The following POLR3C variants were observed in gnomAD, a reference collection of about 807,000 sequenced individuals.
POLR3C encodes the protein DNA-directed RNA polymerase III subunit RPC3.
In POLR3C, 44 loss-of-function variants were observed where a neutral mutation model predicts 65.9. The ratio of observed to expected loss-of-function variants is 0.67; its 90% confidence interval spans 0.52 to 0.86. The LOEUF (loss-of-function observed/expected upper bound fraction) is 0.86, where lower values mean the gene tolerates loss of function less well. POLR3C is among the 40% of genes least tolerant of loss of function. The probability of loss-of-function intolerance (pLI) is 0.00; values close to 1 mark genes in which losing one functional copy is unlikely to be tolerated. For missense variants in POLR3C, 576 were observed against 653.2 expected (o/e 0.88, Z 1.29); for synonymous variants, 263 against 231.6 (o/e 1.14, Z -1.23).
Position 145,842,361 on chromosome 1 carries a change from G to A in POLR3C, c.1546G>A (p.Val516Met), listed in dbSNP as rs1553730785. 1.2e-6 allele frequency: 2 copies of A among 1,610,846 alleles called. No individual in the cohort carries two copies. Among genetic ancestry groups the A allele is most frequent in the South Asian group, 2.2e-5 (2 of 91,016 alleles). The change falls in exon 15 of 15, where the codon GTG becomes ATG. Residue 516 changes from valine (V) to methionine (M), a missense_variant. Coordinates refer to ENST00000334163, the MANE Select transcript of POLR3C (RefSeq NM_006468.8). ...CAGGTTGGATGCCAGTGAGATCCAG[G>A]TGGACGAAACCATCTTCCTGCTGGA... ...VNKLDASEIQ[V>M]DETIFLLESY...
chr1:145,829,700 C>T (rs905312287), intron 5 of POLR3C, among the ~76,000 whole-genome samples: 8 of 152,184 alleles, frequency 5.3e-5, no homozygotes, highest in African/African-American at 1.9e-4. Flanking sequence ...CTCCATCTTA[C>T]TCACTGTGTT....
At chr1:145,834,476 G>A (rs1363817601) in intron 7 of POLR3C, among the ~76,000 whole-genome samples, 1 of 151,686 alleles carries the variant, frequency 6.6e-6, no homozygotes, top group Non-Finnish European at 1.5e-5. Context: ...AGACCAGCCT[G>A]GGCAACATGG....
chr1:145,826,939 C>G lies in POLR3C; in HGVS notation c.523C>G (p.Pro175Ala). The change falls in exon 4 of 15, where the codon CCA becomes GCA. Residue 175 changes from proline to alanine, a missense_variant. Physicochemically the swap from Pro to Ala is conservative, Grantham distance 27. Transcript: ENST00000334163. ...TGAGAATTCAGACCCTGGGCCACCACCACCTGCCCCCACACTTGTCATTAA... is the reference window on the plus strand; with the variant it reads ...TGAGAATTCAGACCCTGGGCCACCAGCACCTGCCCCCACACTTGTCATTAA... ...TTENSDPGPP[P>A]PAPTLVINEK... 2.5e-6 allele frequency: 4 copies of G among 1,613,504 alleles called. No homozygotes were observed. Among genetic ancestry groups the G allele is most frequent in the Non-Finnish European group, 3.4e-6 (4 of 1,179,780 alleles).
chr1:145,841,673 T>C (rs1652304824), intron 14 of POLR3C, among the ~76,000 whole-genome samples: 2 of 152,242 alleles, frequency 1.3e-5, no homozygotes, highest in Admixed American at 6.5e-5. Context: ...CCCACAACTT[T>C]ACTAAATTCA....
chr1:145,842,495 T>A lies in POLR3C; in HGVS notation c.*75T>A. ...TAAAGGAGGTGCCTGGATGCATTAT[T>A]TGCAGTGGGATAAGTCGCAGAGTCT... On this transcript the variant is annotated 3_prime_UTR_variant, in exon 15 of 15. Transcript: ENST00000334163. 1.0e-6 allele frequency: 1 copy of A among 969,940 alleles called. No individual in the cohort carries two copies. Among genetic ancestry groups the A allele is most frequent in the Non-Finnish European group, 1.7e-6 (1 of 597,652 alleles). 60.1% of individuals were successfully genotyped at this position (969,940 alleles called of 1,614,324 possible). A position where few individuals can be genotyped will look rare whatever the true frequency, so the allele number is the denominator to read the frequency against.
chr1:145,828,221 T>TC (rs2101634005), intron 4 of POLR3C, among the ~76,000 whole-genome samples: 1 of 152,270 alleles, frequency 6.6e-6, no homozygotes, highest in African/African-American at 2.4e-5. Flanking sequence ...CTAATCAGGA[T>TC]CAACCTGCTT....
At position 145,839,870 on chromosome 1, in the gene POLR3C, T is replaced by G; in HGVS notation, c.1222-20T>G. 1 of 1,344,098 alleles carries G rather than the reference T, an allele frequency of 7.4e-7. No homozygotes were observed. Among genetic ancestry groups the G allele is most frequent in the South Asian group, 1.2e-5 (1 of 85,292 alleles). The allele number at this position is 1,344,098 out of a possible 1,614,324, so 83.3% of individuals were successfully genotyped here. A position where few individuals can be genotyped will look rare whatever the true frequency, so the allele number is the denominator to read the frequency against. On this transcript the variant is annotated intron_variant, in intron 11 of 14. Transcript: ENST00000334163. Reference sequence around the variant, plus strand: ...AAAACAGTATAATTTCTGCTATTTTTCTTTCTATTGGACAAATAGGAAATT... The same window carrying G: ...AAAACAGTATAATTTCTGCTATTTTGCTTTCTATTGGACAAATAGGAAATT...
At chr1:145,836,176 A>G (rs1360137458) in intron 7 of POLR3C, among the ~76,000 whole-genome samples, 1 of 146,808 alleles carries the variant, frequency 6.8e-6, no homozygotes, top group Admixed American at 7.0e-5. Flanking sequence ...GCTGGAGTCC[A>G]TTGGCGCAAT....
At chr1:145,824,521 C>A (rs1225404527) in intron 1 of POLR3C, 152 bp downstream of exon 1, 45 of 1,289,692 alleles carry the variant, frequency 3.5e-5, no homozygotes, top group Non-Finnish European at 4.6e-5. Context: ...GAATGCTTCT[C>A]CAAAGATATG....
chr1:145,835,497 A>G lies in POLR3C; in HGVS notation c.877-997A>G, dbSNP rs188771664. ...TCTTTATTCAGACCTTGCATACTCT[A>G]ACATATATGTGGGTATATGTATTTT... On this transcript the variant is annotated intron_variant, in intron 7 of 14. Transcript: ENST00000334163. 3.3e-5 allele frequency among the ~76,000 whole-genome samples: 5 copies of G among 151,936 alleles called. No individual in the cohort carries two copies. In the East Asian group the frequency reaches 9.6e-4, roughly 29 times the overall value.
intron 9 of POLR3C, among the ~76,000 whole-genome samples, 161 bp from the exon 10 acceptor site, chr1:145,837,375 G>A (rs1028273225): frequency 8.5e-5 from 13 of 152,152 alleles, no homozygotes; most frequent in African/African-American, 2.7e-4. Flanking sequence ...TTGTATTAAA[G>A]TTTTGGAATA....
chr1:145,842,327 C>G lies in POLR3C; in HGVS notation c.1524-12C>G. 1 of 1,577,130 alleles carries G rather than the reference C, an allele frequency of 6.3e-7. No individual in the cohort carries two copies. Among genetic ancestry groups the G allele is most frequent in the Non-Finnish European group, 8.7e-7 (1 of 1,149,216 alleles). On this transcript the variant is annotated splice_polypyrimidine_tract_variant and intron_variant, in intron 14 of 14. Coordinates refer to ENST00000334163, the MANE Select transcript of POLR3C (RefSeq NM_006468.8). ...CATTCAGTCTAGGCAAATGCCTTTA[C>G]TTTTCACTCAGGTTGGATGCCAGTG...
At position 145,824,313 on chromosome 1, in the gene POLR3C, G is replaced by A. The variant is rs1650509555; in HGVS notation, c.-77G>A. On this transcript the variant is annotated 5_prime_UTR_variant, in exon 1 of 15. Transcript: ENST00000334163. ...AGGCCAGCGGGAGCCGTAGGAAGCC[G>A]TCGCGGGAAGCTCAGCCGAATTGGA... is the stretch of plus-strand genomic sequence containing the variant. 1 of 312,150 alleles carries A rather than the reference G, an allele frequency of 3.2e-6. No individual in the cohort carries two copies. Among genetic ancestry groups the A allele is most frequent in the Non-Finnish European group, 6.3e-6 (1 of 158,046 alleles). 19.3% of individuals were successfully genotyped at this position (312,150 alleles called of 1,614,324 possible). A position where few individuals can be genotyped will look rare whatever the true frequency, so the allele number is the denominator to read the frequency against.
chr1:145,836,797 C>T lies in POLR3C; in HGVS notation c.958-18C>T. On this transcript the variant is annotated intron_variant, in intron 8 of 14. Coordinates refer to ENST00000334163, the MANE Select transcript of POLR3C (RefSeq NM_006468.8). ...CTGGACTTTCCGTTCAGTTAACACT[C>T]TCTCTTTTTCTTAATAGCTAGAGTT... 1.3e-6 allele frequency: 2 copies of T among 1,540,968 alleles called. No individual in the cohort carries two copies. Among genetic ancestry groups the T allele is most frequent in the Non-Finnish European group, 1.8e-6 (2 of 1,115,612 alleles).
At chr1:145,827,040 C>T (rs782816016) in intron 4 of POLR3C, 35 bp downstream of exon 4, 3 of 1,463,806 alleles carry the variant, frequency 2.0e-6, no homozygotes, top group South Asian at 2.4e-5. Flanking sequence ...TGTGACTTGC[C>T]TTAATTGTGG....
At chr1:145,831,323 T>C (rs1289298174) in intron 5 of POLR3C, among the ~76,000 whole-genome samples, 3 of 152,026 alleles carry the variant, frequency 2.0e-5, no homozygotes, top group African/African-American at 7.2e-5. Context: ...GAGACCAGCC[T>C]GGCCAAGATG....
intron 7 of POLR3C, among the ~76,000 whole-genome samples, chr1:145,835,780 G>A (rs1220120850): frequency 2.6e-5 from 4 of 152,040 alleles, no homozygotes; most frequent in East Asian, 3.9e-4. Context: ...CACTGTGTTG[G>A]CCAGGCTGGT....
intron 1 of POLR3C, 86 bp downstream of exon 1, chr1:145,824,455 T>C: frequency 2.3e-6 from 2 of 888,392 alleles, no homozygotes; most frequent in Non-Finnish European, 1.6e-6. Context: ...AAAGGAAGTG[T>C]AGAGCTAGGA....
chr1:145,840,185 G>C lies in POLR3C; in HGVS notation c.1373+20G>C. On this transcript the variant is annotated intron_variant, in intron 13 of 14. Transcript: ENST00000334163. ...GAATAAGTAAGTAACATTTTCAGTT[G>C]AGTTATTTACATCTTTCAAGATCAA... is the stretch of plus-strand genomic sequence containing the variant. 1 of 1,482,280 alleles carries C rather than the reference G, an allele frequency of 6.7e-7. No individual in the cohort carries two copies. Among genetic ancestry groups the C allele is most frequent in the Non-Finnish European group, 9.4e-7 (1 of 1,059,950 alleles). The allele number at this position is 1,482,280 out of a possible 1,614,324, so 91.8% of individuals were successfully genotyped here. A position where few individuals can be genotyped will look rare whatever the true frequency, so the allele number is the denominator to read the frequency against.
Sources: allele counts gnomAD v4.1 joint callset (sites outside exome capture counted in the v4.1 genomes callset), GRCh38; gene constraint gnomAD v4.1.1; transcripts MANE v1.5; gene names NCBI Gene and HGNC (gene_info 2026-07-23, HGNC 2026-07-21).